The following MED13 variants were observed in gnomAD, a reference collection of about 807,000 sequenced individuals.
The protein encoded by MED13 is mediator of RNA polymerase II transcription subunit 13.
In MED13, 23 loss-of-function variants were observed where a neutral mutation model predicts 225.2. The ratio of observed to expected loss-of-function variants is 0.10; its 90% confidence interval spans 0.07 to 0.14. The LOEUF (loss-of-function observed/expected upper bound fraction) is 0.14, where lower values mean the gene tolerates loss of function less well. MED13 is among the 10% of genes least tolerant of loss of function. MED13 has a pLI of 1.00. For synonymous variants in MED13, 942 were observed against 889.2 expected (o/e 1.06, Z -1.06); for missense variants, 2,197 against 2,594.5 (o/e 0.85, Z 3.33).
rs1478047934 is a variant in MED13, at chr17:62,035,550, T to G, written c.529A>C (p.Ser177Arg). 6.2e-7 allele frequency: 1 copy of G among 1,613,850 alleles called. No homozygotes were observed. Among genetic ancestry groups the G allele is most frequent in the Non-Finnish European group, 8.5e-7 (1 of 1,179,834 alleles). Residue 177 changes from serine (S) to arginine (R), a missense_variant, in exon 4 of 30, where the codon AGT becomes CGT. By Grantham distance (110) the Ser-to-Arg change is moderately radical (BLOSUM62 -1). Around this residue, in one of 12 missense-constraint regions of MED13, gnomAD observed 884 missense variants for 918.5 expected, o/e 0.96. Transcript: ENST00000397786. ...GGTTGATGTTGGTTAATTTCCACAC[T>G]GGTACAAACATTGCTGTCTCCATGC... ...FLHGDSNVCT[S>R]VEINQHQPVY...
rs1437674937 is a variant in MED13, at chr17:61,943,610, A to C, written c.*2858T>G. Reference sequence around the variant, plus strand: ...TTAGAAATATTTAAAAATTACAGCTACTTTAAAATTTAAGGATTACATATA... The same window carrying C: ...TTAGAAATATTTAAAAATTACAGCTCCTTTAAAATTTAAGGATTACATATA... On this transcript the variant is annotated 3_prime_UTR_variant, in exon 30 of 30. Transcript: ENST00000397786. The C allele has an allele frequency of 6.6e-6, 1 of 152,606 alleles. No homozygotes were observed. Among genetic ancestry groups the C allele is most frequent in the Non-Finnish European group, 1.5e-5 (1 of 67,996 alleles). 9.5% of individuals were successfully genotyped at this position (152,606 alleles called of 1,614,324 possible).
chr17:62,016,811 C>T (rs181926540), intron 8 of MED13, among the ~76,000 whole-genome samples: 3 of 152,184 alleles, frequency 2.0e-5, no homozygotes, highest in Middle Eastern at 3.4e-3. Context: ...GGGTTCTAGA[C>T]CAGCCTAGCC....
At chr17:61,998,517 A>T (rs2080364722) in intron 9 of MED13, among the ~76,000 whole-genome samples, 1 of 152,132 alleles carries the variant, frequency 6.6e-6, no homozygotes, top group Admixed American at 6.6e-5. Context: ...TTTTAAGATG[A>T]CAATTATAGA....
intron 3 of MED13, among the ~76,000 whole-genome samples, chr17:62,037,454 C>G (rs1290120943): frequency 2.0e-5 from 3 of 151,828 alleles, no homozygotes; most frequent in East Asian, 1.9e-4. Context: ...CACCTGAGGT[C>G]AGGAGTTTGA....
rs1304976259 is a variant in MED13, at chr17:62,043,167, AAAAAAAAAAAAAAAAAAG to A, written c.471-7577_471-7560del. ...CAAGACCCTGTCTCCAAAAAAAAAA[AAAAAAAAAAAAAAAAAAG>A]AAAGAAAGAAAGAAAGAAAAATTAT... On this transcript the variant is annotated intron_variant, in intron 3 of 29. Coordinates refer to ENST00000397786, the MANE Select transcript of MED13 (RefSeq NM_005121.3). Among the ~76,000 whole-genome samples the A allele has an allele frequency of 2.0e-5, 3 of 147,282 alleles. No homozygotes were observed. In the East Asian group the frequency reaches 5.9e-4, roughly 29 times the overall value.
At chr17:61,984,932 G>A in intron 13 of MED13, 67 bp from the exon 14 acceptor site, 1 of 1,593,716 alleles carries the variant, frequency 6.3e-7, no homozygotes, top group East Asian at 2.2e-5. Context: ...TAAACCAAAA[G>A]GAGTGGGGAG....
intron 16 of MED13, among the ~76,000 whole-genome samples, chr17:61,975,133 G>A (rs562082776): frequency 1.6e-3 from 242 of 148,498 alleles, no homozygotes; most frequent in African/African-American, 5.7e-3. Flanking sequence ...GCAAGACCCC[G>A]TATCTTAAAA....
At position 61,983,074 on chromosome 17, in the gene MED13, T is replaced by C. The variant is rs1013180353; in HGVS notation, c.2929A>G (p.Thr977Ala). The change falls in exon 16 of 30, where the codon ACA becomes GCA. Residue 977 changes from threonine to alanine, a missense_variant. Physicochemically the swap from Thr to Ala is moderately conservative, Grantham distance 58. Transcript: ENST00000397786. ...NMDQEYGTAY[T>A]PQTHTSFGMP... ...CCAAAAGAAGTATGAGTTTGAGGTG[T>C]ATAAGCAGTGCCATATTCTTGATCC... The C allele has an allele frequency of 2.1e-5, 34 of 1,613,124 alleles. No individual in the cohort carries two copies. Among genetic ancestry groups the C allele is most frequent in the Non-Finnish European group, 2.3e-5 (27 of 1,179,592 alleles).
At chr17:61,968,544 T>C (rs923567321) in intron 17 of MED13, among the ~76,000 whole-genome samples, 1 of 152,166 alleles carries the variant, frequency 6.6e-6, no homozygotes, top group Non-Finnish European at 1.5e-5. Context: ...GCCAGGATGG[T>C]CTCGAGCTCC....
In MED13 at chr17:61,982,326, C is replaced by T. The variant is rs756671012; in HGVS notation, c.3677G>A (p.Arg1226His). Residue 1226 changes from arginine (R) to histidine (H), a missense_variant, in exon 16 of 30, where the codon CGT becomes CAT. Coordinates refer to ENST00000397786, the MANE Select transcript of MED13 (RefSeq NM_005121.3). ...VISNWVRVEE[R>H]DCCNDCYLAL... ...AAGGTAGCAGTCATTGCAACAGTCA[C>T]GCTCTTCAACACGTACCCAATTGCT... 5.0e-6 allele frequency: 8 copies of T among 1,614,124 alleles called. No individual in the cohort carries two copies. In the East Asian group the frequency reaches 8.9e-5, roughly 18 times the overall value.
intron 28 of MED13, among the ~76,000 whole-genome samples, chr17:61,949,597 T>C (rs534801616): frequency 1.5e-3 from 234 of 151,740 alleles, no homozygotes; most frequent in African/African-American, 5.5e-3. Flanking sequence ...CTCAGTTTTT[T>C]TTTAACACAG....
intron 17 of MED13, among the ~76,000 whole-genome samples, chr17:61,968,993 C>T (rs889563590): frequency 1.3e-5 from 2 of 152,060 alleles, no homozygotes; most frequent in African/African-American, 4.8e-5. Flanking sequence ...CTCAAGTGAT[C>T]CTCCTTCCTC....
rs1250331257 is a variant in MED13 at position 61,982,961 on chromosome 17, A to G, written c.3042T>C (p.Thr1014=). The G allele has an allele frequency of 1.2e-5, 19 of 1,614,106 alleles. No homozygotes were observed. The highest frequency in any genetic ancestry group is 1.6e-5 in the Non-Finnish European group (19 of 1,180,010). Residue 1014 remains threonine, a synonymous_variant, in exon 16 of 30, where the codon ACT becomes ACC. Coordinates refer to ENST00000397786, the MANE Select transcript of MED13 (RefSeq NM_005121.3). The stretch of plus-strand genomic sequence containing the variant: ...CACGAGGAGTCCGAGGAGTCCTTGG[A>G]GTCCTTGGAGTTGGAAACCGAGGGG... ...PSTPRFPTPR[T]PRTPRTPRGA... is the part of the protein sequence containing the mutation.
chr17:61,955,695 A>G lies in MED13; in HGVS notation c.5767T>C (p.Phe1923Leu), dbSNP rs2143310806. 6.2e-7 allele frequency: 1 copy of G among 1,600,426 alleles called. No individual in the cohort carries two copies. The highest frequency in any genetic ancestry group is 2.2e-5 in the East Asian group (1 of 44,788). Residue 1923 changes from phenylalanine (F) to leucine (L), a missense_variant, in exon 25 of 30, where the codon TTT becomes CTT. Phe to Leu is a conservative substitution (Grantham distance 22). Transcript: ENST00000397786. ...GATAGCTAACCTGGCATAATAACAA[A>G]AGAGCCTTGCGGCTCCATTGCCACC... Reference protein sequence around the residue: ...CLVAMEPQGSFVIMPDSVSTG... With the variant: ...CLVAMEPQGSLVIMPDSVSTG...
At chr17:61,961,143 T>C (rs1411341314) in intron 22 of MED13, 53 bp from the exon 23 acceptor site, 7 of 1,373,512 alleles carry the variant, frequency 5.1e-6, no homozygotes, top group East Asian at 2.5e-5. Context: ...TAGAGAAATA[T>C]TGCATTTAAA....
chr17:62,015,948 A>T (rs564490065), intron 8 of MED13, among the ~76,000 whole-genome samples: 1 of 14,648 alleles, frequency 6.8e-5, no homozygotes, highest in Non-Finnish European at 1.2e-4. Context: ...ATATATATAT[A>T]TATATATTTT....
chr17:62,047,593 T>C (rs900669281), intron 3 of MED13, among the ~76,000 whole-genome samples: 3 of 151,908 alleles, frequency 2.0e-5, no homozygotes, highest in African/African-American at 4.8e-5. Context: ...TAAGGACAAA[T>C]ACCTAATGCA....
At chr17:62,044,287 T>G (rs1256013109) in intron 3 of MED13, among the ~76,000 whole-genome samples, 1 of 152,140 alleles carries the variant, frequency 6.6e-6, no homozygotes, top group Non-Finnish European at 1.5e-5. Flanking sequence ...ACTGTTTTAA[T>G]TATAAATATA....
intron 9 of MED13, among the ~76,000 whole-genome samples, chr17:61,997,648 T>TCA (rs2143528514): frequency 6.6e-6 from 1 of 152,264 alleles, no homozygotes; most frequent in South Asian, 2.1e-4. Context: ...TTTGCTGAGG[T>TCA]CACATAGTGG....
Sources: gnomAD v4.1 joint callset for allele counts (sites outside exome capture counted in the v4.1 genomes callset) on GRCh38, gnomAD v4.1.1 for gene constraint, gnomAD v4.1.1 regional missense constraint, MANE v1.5 for transcripts, NCBI Gene and HGNC (gene_info 2026-07-23, HGNC 2026-07-21) for gene names.